MYO1F: variants seen among roughly 807,000 people sequenced by gnomAD.
MYO1F encodes the protein myosin IF.
MYO1F carries 60 observed loss-of-function variants against 146.6 expected under a neutral mutation model. The observed-to-expected ratio is 0.41, with a 90% CI of 0.33 to 0.51. The LOEUF is 0.51. MYO1F is among the 20% of genes least tolerant of loss of function. The pLI is 0.25. For missense variants in MYO1F, 1,274 were observed against 1,534.3 expected (o/e 0.83, Z 2.83); for synonymous variants, 602 against 602.1 (o/e 1.00, Z 0.00).
intron 22 of MYO1F, 29 bp from the exon 23 acceptor site, chr19:8,526,964 TG>T: frequency 6.2e-7 from 1 of 1,611,376 alleles, no homozygotes; most frequent in Non-Finnish European, 8.5e-7. Flanking sequence ...GAGCGTCAGG[TG>T]GGACACAGGT....
Position 8,536,883 on chromosome 19 carries a change from G to C in MYO1F, c.1799+66C>G, listed in dbSNP as rs1000296426. The C allele has an allele frequency of 1.0e-5, 12 of 1,152,554 alleles. No homozygotes were observed. In the Admixed American group the frequency reaches 2.2e-4, roughly 21 times the overall value. The allele number at this position is 1,152,554 out of a possible 1,614,324, so 71.4% of individuals were successfully genotyped here. On this transcript the variant is annotated intron_variant, in intron 17 of 27. Transcript: ENST00000644032. ...CTACAGGAGGTCAGGGAGGTGTCTC[G>C]GTCAGTTCTAGGGGTAACTGCAGGG... is the stretch of plus-strand genomic sequence containing the variant.
At chr19:8,526,048 G>A in intron 24 of MYO1F, among the ~76,000 whole-genome samples, 1 of 152,130 alleles carries the variant, frequency 6.6e-6, no homozygotes, top group East Asian at 1.9e-4. Flanking sequence ...TGTCTCTCTG[G>A]CCGGGCGCAG....
chr19:8,574,707 TTCTTTTTCTTTCTC>T (rs201239697), intron 1 of MYO1F, among the ~76,000 whole-genome samples: 1 of 149,842 alleles, frequency 6.7e-6, no homozygotes, highest in Admixed American at 6.8e-5. Flanking sequence ...CTCTCTTTCT[TTCTTTTTCTTTCTC>T]TTTCTTTCTT....
chr19:8,542,696 GATCA>G (rs977442046), intron 14 of MYO1F, among the ~76,000 whole-genome samples: 1 of 151,828 alleles, frequency 6.6e-6, no homozygotes, highest in Non-Finnish European at 1.5e-5. Flanking sequence ...CGCCTTCCGG[GATCA>G]AGTGATTCTC....
chr19:8,547,300 C>CAAA (rs1196814670), intron 12 of MYO1F, among the ~76,000 whole-genome samples: 67 of 44,800 alleles, frequency 1.5e-3, no homozygotes, highest in East Asian at 3.7e-3. Flanking sequence ...GTTCCTGTCT[C>CAAA]AAAAAAAAAA....
At chr19:8,571,287 C>T (rs1568377744) in intron 1 of MYO1F, among the ~76,000 whole-genome samples, 1 of 152,216 alleles carries the variant, frequency 6.6e-6, no homozygotes, top group African/African-American at 2.4e-5. Flanking sequence ...GAGCCTTGCC[C>T]CCAGCTCAGT....
chr19:8,530,210 C>T lies in MYO1F; in HGVS notation c.2314G>A (p.Asp772Asn), dbSNP rs537703401. 40 of 1,614,008 alleles carry T rather than the reference C, an allele frequency of 2.5e-5. No homozygotes were observed. In the African/African-American group the frequency reaches 3.5e-4, roughly 14 times the overall value. Residue 772 changes from aspartate to asparagine, a missense_variant, in exon 21 of 28, where the codon GAC (aspartate) becomes AAC (asparagine). By Grantham distance (23) the Asp-to-Asn change is conservative (BLOSUM62 1). Around this residue, in one of 2 missense-constraint regions of MYO1F, gnomAD observed 900 missense variants for 1,155.1 expected, o/e 0.78. Transcript: ENST00000644032. This position sits in a 1 kb window ranked among gnomAD's most constrained non-coding sequence, Gnocchi z 5.8. ...VDFADSVTKY[D>N]RRFKPIKRDL... ...TAGTGCCTCACCTTGAAGCGGCGGT[C>T]GTACTTGGTGACCGAATCGGCGAAG...
chr19:8,531,761 C>T (rs917369499), intron 19 of MYO1F, among the ~76,000 whole-genome samples: 3 of 152,132 alleles, frequency 2.0e-5, no homozygotes, highest in Non-Finnish European at 4.4e-5. Context: ...GGTACACTGC[C>T]GTGTCAGAGA....
At chr19:8,556,130 G>A (rs1342119557) in intron 1 of MYO1F, among the ~76,000 whole-genome samples, 1 of 151,610 alleles carries the variant, frequency 6.6e-6, no homozygotes. Flanking sequence ...CCGGGTTCAA[G>A]CGATTCTCCT....
intron 1 of MYO1F, among the ~76,000 whole-genome samples, chr19:8,574,009 C>T (rs1555732615): frequency 6.6e-6 from 1 of 152,052 alleles, no homozygotes; most frequent in East Asian, 1.9e-4. Flanking sequence ...TACCAGAAAC[C>T]AACAATAAAC....
chr19:8,551,950 G>GC, intron 7 of MYO1F, 76 bp from the exon 8 acceptor site: 1 of 1,613,682 alleles, frequency 6.2e-7, no homozygotes, highest in Non-Finnish European at 8.5e-7. Context: ...GCCCTGCCAT[G>GC]CCCCCCTAGG....
intron 25 of MYO1F, among the ~76,000 whole-genome samples, chr19:8,524,595 A>C (rs1430597756): frequency 6.6e-6 from 1 of 151,876 alleles, no homozygotes; most frequent in Non-Finnish European, 1.5e-5. Flanking sequence ...AAAAAAAAAA[A>C]AAAAGAAAGA....
chr19:8,551,350 C>CCT (rs1312915407), intron 8 of MYO1F: 38 of 241,464 alleles, frequency 1.6e-4, no homozygotes, highest in Middle Eastern at 1.8e-3. Flanking sequence ...CCGTGCCTGG[C>CCT]CTTTTTTTTT....
chr19:8,572,620 C>T (rs561414901), intron 1 of MYO1F, among the ~76,000 whole-genome samples: 1 of 152,254 alleles, frequency 6.6e-6, no homozygotes, highest in South Asian at 2.1e-4. Context: ...TGACTCCCAG[C>T]CTTTCCTGTC....
intron 1 of MYO1F, among the ~76,000 whole-genome samples, chr19:8,574,675 CTT>C (rs1555733289): frequency 2.3e-4 from 30 of 128,436 alleles, no homozygotes; most frequent in Admixed American, 5.5e-4. Flanking sequence ...TTCTCTCTTT[CTT>C]TCTTTCTTCC....
chr19:8,523,022 A>G (rs149160151), intron 25 of MYO1F, among the ~76,000 whole-genome samples, 193 bp from the exon 26 acceptor site: 93 of 140,904 alleles, frequency 6.6e-4, no homozygotes, highest in African/African-American at 2.1e-3. Flanking sequence ...CATAATTTTA[A>G]AATTATTTTT....
rs575895769 is a variant in MYO1F, at chr19:8,521,684, A to G, written c.3221-80T>C. ...CATGCCTGGTCTGTCCATCTTGTTC[A>G]TGGGGACTCCCTATGTTGTCCAGGC... On this transcript the variant is annotated intron_variant, in intron 27 of 27. Coordinates refer to ENST00000644032, the MANE Select transcript of MYO1F (RefSeq NM_012335.4). The G allele has an allele frequency of 2.1e-5, 28 of 1,306,718 alleles. No homozygotes were observed. The Admixed American group carries it at 4.5e-4, about 21-fold the overall frequency. 80.9% of individuals were successfully genotyped at this position (1,306,718 alleles called of 1,614,324 possible).
rs536818239 is a variant in MYO1F, at chr19:8,562,138, C to T, written c.4-6342G>A. Reference sequence around the variant, plus strand: ...CAAGCCTCGCCTCCAGGGTTCACGCCGTTCTCCTGCCCGGCTAATTTTTTC... The same window carrying T: ...CAAGCCTCGCCTCCAGGGTTCACGCTGTTCTCCTGCCCGGCTAATTTTTTC... On this transcript the variant is annotated intron_variant, in intron 1 of 27. Coordinates refer to ENST00000644032, the MANE Select transcript of MYO1F (RefSeq NM_012335.4). Among the ~76,000 whole-genome samples the T allele has an allele frequency of 7.1e-4, 108 of 151,456 alleles. 1 individual carries two copies. The highest frequency in any genetic ancestry group is 2.2e-3 in the African/African-American group (91 of 41,238).
chr19:8,567,493 T>G (rs148797423), intron 1 of MYO1F, among the ~76,000 whole-genome samples: 7 of 152,182 alleles, frequency 4.6e-5, no homozygotes, highest in African/African-American at 1.4e-4. Flanking sequence ...CTCAGCCTCT[T>G]GAGTAGCTGG....
Sources: allele counts gnomAD v4.1 joint callset (sites outside exome capture counted in the v4.1 genomes callset), GRCh38; gene constraint gnomAD v4.1.1; regional missense constraint gnomAD v4.1.1; non-coding constraint Gnocchi (gnomAD v3.1); transcripts MANE v1.5; gene names NCBI Gene and HGNC (gene_info 2026-07-23, HGNC 2026-07-21).